CDH18: variants seen among roughly 807,000 people sequenced by gnomAD.
The protein encoded by CDH18 is cadherin-18.
In CDH18, 31 loss-of-function variants were observed where a neutral mutation model predicts 67.9. That is an observed-to-expected ratio of 0.46 (90% CI 0.34 to 0.62). The LOEUF is 0.62. Among genes scored for constraint, CDH18 ranks in the 20% least tolerant of loss-of-function variants. CDH18 has a pLI of 0.01. For synonymous variants in CDH18, 362 were observed against 347.2 expected, an observed-to-expected ratio of 1.04 and a Z score of -0.48; for missense variants, 890 against 975.5, an observed-to-expected ratio of 0.91 and a Z score of 1.17.
chr5:19,965,529 T>C (rs1037581713), intron 2 of CDH18, among the ~76,000 whole-genome samples: 6 of 152,238 alleles, frequency 3.9e-5, no homozygotes, highest in African/African-American at 1.2e-4. Flanking sequence ...TTATAATTTG[T>C]AGATTTAATA....
rs1241992916 is a variant in CDH18, at chr5:20,172,208, A to ACG, written c.-518+83235_-518+83236insCG. The stretch of plus-strand genomic sequence containing the variant: ...ATTGTGTGTATATATATATATATAT[A>ACG]TATATATATATATATGTATATATAT... On this transcript the variant is annotated intron_variant, in intron 2 of 14. Coordinates refer to the CDH18 transcript ENST00000507958. Among the ~76,000 whole-genome samples the ACG allele has an allele frequency of 2.5e-3, 167 of 66,516 alleles. 5 individuals are homozygous for ACG. The highest frequency in any genetic ancestry group is 3.4e-3 in the Admixed American group (21 of 6,092). The allele number at this position is 66,516 out of a possible 152,430, so 43.6% of individuals were successfully genotyped here.
At chr5:20,116,579 A>G (rs1440997373) in intron 2 of CDH18, among the ~76,000 whole-genome samples, 1 of 152,164 alleles carries the variant, frequency 6.6e-6, no homozygotes, top group African/African-American at 2.4e-5. Flanking sequence ...GGATAGGAAT[A>G]TATTTTAAGT....
intron 2 of CDH18, among the ~76,000 whole-genome samples, chr5:19,999,809 T>C (rs1736300585): frequency 6.6e-6 from 1 of 152,168 alleles, no homozygotes; most frequent in South Asian, 2.1e-4. Context: ...CAATTCTGAA[T>C]ACGGGGCTTT....
chr5:19,502,903 T>C (rs750451161), intron 11 of CDH18, 89 bp downstream of exon 11: 4 of 813,532 alleles, frequency 4.9e-6, no homozygotes, highest in South Asian at 1.3e-5. Context: ...ATTTGCAAGA[T>C]GTTTGTGTGT....
intron 2 of CDH18, among the ~76,000 whole-genome samples, chr5:19,972,758 A>G (rs542411575): frequency 1.3e-5 from 2 of 152,168 alleles, no homozygotes; most frequent in Admixed American, 1.3e-4. Context: ...ATAACATAAC[A>G]ATTCTACTTA....
At chr5:19,613,014 C>T (rs1463971854) in intron 5 of CDH18, among the ~76,000 whole-genome samples, 4 of 151,760 alleles carry the variant, frequency 2.6e-5, no homozygotes, top group Non-Finnish European at 5.9e-5. Flanking sequence ...GGCGTGGTGG[C>T]GCATGCCTGT....
intron 2 of CDH18, among the ~76,000 whole-genome samples, chr5:19,957,122 A>G (rs980910917): frequency 2.0e-5 from 3 of 151,910 alleles, no homozygotes; most frequent in Non-Finnish European, 4.4e-5. Flanking sequence ...TTCACGTCCC[A>G]TAGAATTGAG....
At chr5:20,184,127 G>A (rs1580427626) in intron 2 of CDH18, among the ~76,000 whole-genome samples, 2 of 151,834 alleles carry the variant, frequency 1.3e-5, no homozygotes, top group South Asian at 4.1e-4. Flanking sequence ...TTTCACCTGA[G>A]GAATGACTAA....
At chr5:19,569,386 C>T (rs1287762565) in intron 8 of CDH18, among the ~76,000 whole-genome samples, 1 of 152,170 alleles carries the variant, frequency 6.6e-6, no homozygotes, top group Non-Finnish European at 1.5e-5. Flanking sequence ...TCTCCATGCA[C>T]ACCTCCCTCA....
intron 2 of CDH18, among the ~76,000 whole-genome samples, chr5:20,128,928 T>C (rs1431667509): frequency 1.3e-5 from 2 of 152,032 alleles, no homozygotes. Flanking sequence ...TGTTTAGAAT[T>C]GATCTTCTAT....
chr5:20,459,636 G>T (rs552367552), intron 1 of CDH18, among the ~76,000 whole-genome samples: 3 of 152,198 alleles, frequency 2.0e-5, no homozygotes, highest in African/African-American at 7.2e-5. Context: ...TATATGGATG[G>T]GCTCTGGGCA....
rs143210484 is a variant in CDH18, at chr5:20,438,236, T to TTATATA, written c.-580+137220_-580+137225dup. ...AGACTTTCTTGCCCCTGCCCCCAAATTATATATATATATATATGTATGTAT... is the reference window on the plus strand; with the variant it reads ...AGACTTTCTTGCCCCTGCCCCCAAATTATATATATATATATATATATATGTATGTAT... On this transcript the variant is annotated intron_variant, in intron 1 of 14. Transcript: ENST00000507958. Among the ~76,000 whole-genome samples, 87 of 147,010 alleles carry TTATATA rather than the reference T, an allele frequency of 5.9e-4. 1 individual carries two copies. The highest frequency in any genetic ancestry group is 8.4e-4 in the Non-Finnish European group (56 of 66,406).
intron 1 of CDH18, among the ~76,000 whole-genome samples, chr5:20,298,652 T>A (rs10061359): frequency 0.083 from 12,573 of 152,228 alleles, 1,045 homozygotes; most frequent in African/African-American, 0.21. Context: ...TATGTATTTA[T>A]TGAGTTTATA....
intron 3 of CDH18, among the ~76,000 whole-genome samples, chr5:19,785,682 ATATATATATATATATAT>A (rs1775695719): frequency 2.4e-4 from 5 of 20,850 alleles, no homozygotes; most frequent in Admixed American, 8.3e-4. Flanking sequence ...AAAAAAAAAT[ATATATATATATATATAT>A]ATATATATAT....
At position 19,732,817 on chromosome 5, in the gene CDH18, G is replaced by GT. The variant is rs1295784589; in HGVS notation, c.524-11352dup. Among the ~76,000 whole-genome samples the GT allele has an allele frequency of 3.9e-5, 6 of 151,994 alleles. 1 individual carries two copies. The highest frequency in any genetic ancestry group is 2.6e-4 in the Admixed American group (4 of 15,260). ...GGCACTAGATTCTTTCCTTTTAACTGTTTTTTGTGTGAGAAGTTAATATTT... is the reference window on the plus strand; with the variant it reads ...GGCACTAGATTCTTTCCTTTTAACTGTTTTTTTGTGTGAGAAGTTAATATTT... On this transcript the variant is annotated intron_variant, in intron 4 of 12. Transcript: ENST00000382275.
At chr5:19,875,414 A>T (rs1456549632) in intron 2 of CDH18, among the ~76,000 whole-genome samples, 1 of 149,300 alleles carries the variant, frequency 6.7e-6, no homozygotes, top group African/African-American at 2.6e-5. Context: ...ATAGATAGAT[A>T]GATAGATAGA....
chr5:20,282,037 T>A (rs1206846607), intron 1 of CDH18, among the ~76,000 whole-genome samples: 1 of 152,176 alleles, frequency 6.6e-6, no homozygotes, highest in Non-Finnish European at 1.5e-5. Context: ...TGTATAAGAA[T>A]ACTTGTGATT....
At chr5:20,169,993 A>T (rs1708314087) in intron 2 of CDH18, among the ~76,000 whole-genome samples, 2 of 151,980 alleles carry the variant, frequency 1.3e-5, no homozygotes, top group African/African-American at 4.8e-5. Flanking sequence ...TTAAATTTTA[A>T]TGTTTTTATT....
At chr5:20,488,343 G>T (rs1377057419) in intron 1 of CDH18, among the ~76,000 whole-genome samples, 1 of 151,980 alleles carries the variant, frequency 6.6e-6, no homozygotes, top group Non-Finnish European at 1.5e-5. Context: ...GGATTTTCAC[G>T]TACCCTTTTA....
Sources: allele counts gnomAD v4.1 joint callset (sites outside exome capture counted in the v4.1 genomes callset), GRCh38; gene constraint gnomAD v4.1.1; transcripts MANE v1.5; gene names NCBI Gene and HGNC (gene_info 2026-07-23, HGNC 2026-07-21).